Variants in CRADD observed in about 807,000 individuals in gnomAD.
The protein encoded by CRADD is death domain-containing protein CRADD.
A neutral mutation model predicts 15.5 loss-of-function variants in CRADD; 9 were observed. The observed-to-expected ratio is 0.58, with a 90% CI of 0.35 to 1.01. The LOEUF (loss-of-function observed/expected upper bound fraction) is 1.01. Ranked by LOEUF, CRADD falls within the 50% of genes least tolerant of loss-of-function variation. The pLI, the probability that CRADD is intolerant of heterozygous loss-of-function variation, is 0.02. For missense variants in CRADD, 227 were observed against 250.3 expected, an observed-to-expected ratio of 0.91 and a Z score of 0.63; for synonymous variants, 118 against 107.6, an observed-to-expected ratio of 1.10 and a Z score of -0.60.
rs1157345300 is a variant in CRADD, at chr12:93,881,100, G to A, written c.299-12950G>A. 3.3e-5 allele frequency among the ~76,000 whole-genome samples: 5 copies of A among 152,242 alleles called. No individual in the cohort carries two copies. In the East Asian group the frequency reaches 9.7e-4, roughly 29 times the overall value. Reference sequence around the variant, plus strand: ...TTTGTGTACTTTTCTTCAGATGGTTGTCATTTTTAACCAAGTAGCTACACT... The same window carrying A: ...TTTGTGTACTTTTCTTCAGATGGTTATCATTTTTAACCAAGTAGCTACACT... On this transcript the variant is annotated intron_variant, in intron 2 of 2. Transcript: ENST00000548483.
At chr12:93,836,069 T>C (rs1565932382) in intron 2 of CRADD, 1 of 152,244 alleles carries the variant, frequency 6.6e-6, no homozygotes, top group Admixed American at 6.5e-5. Context: ...CAATCTCTCC[T>C]GAGAACATGC....
chr12:93,890,259 G>T (rs1056963464), intron 2 of CRADD, among the ~76,000 whole-genome samples: 1 of 152,164 alleles, frequency 6.6e-6, no homozygotes, highest in Non-Finnish European at 1.5e-5. Context: ...TGCTGTGAAG[G>T]TTTAAAGAGA....
intron 2 of CRADD, among the ~76,000 whole-genome samples, chr12:93,818,397 A>G (rs1259355422): frequency 6.6e-6 from 1 of 152,156 alleles, no homozygotes; most frequent in Admixed American, 6.5e-5. Flanking sequence ...CCCAGGGGCA[A>G]CCCTTAGGAC....
At chr12:93,721,742 C>T (rs976259233) in intron 2 of CRADD, among the ~76,000 whole-genome samples, 4 of 152,136 alleles carry the variant, frequency 2.6e-5, no homozygotes, top group Non-Finnish European at 5.9e-5. Flanking sequence ...CTTGAGCATT[C>T]ATGGATTTTG....
intron 2 of CRADD, among the ~76,000 whole-genome samples, chr12:93,882,011 C>A (rs1958505525): frequency 6.6e-6 from 1 of 152,140 alleles, no homozygotes; most frequent in Non-Finnish European, 1.5e-5. Flanking sequence ...CCTGTCCCAG[C>A]TACTTGGGAG....
intron 2 of CRADD, among the ~76,000 whole-genome samples, chr12:93,867,152 T>C (rs1357743886): frequency 6.6e-6 from 1 of 152,012 alleles, no homozygotes; most frequent in Non-Finnish European, 1.5e-5. Flanking sequence ...TGGTTCTATT[T>C]TAGAAAATGG....
chr12:93,841,141 T>G (rs112900537), intron 2 of CRADD, among the ~76,000 whole-genome samples: 1 of 152,206 alleles, frequency 6.6e-6, no homozygotes, highest in Non-Finnish European at 1.5e-5. Flanking sequence ...AAGTGGTAGA[T>G]TTTATGATGT....
intron 2 of CRADD, among the ~76,000 whole-genome samples, chr12:93,827,382 G>C (rs1023689390): frequency 1.3e-5 from 2 of 152,176 alleles, no homozygotes; most frequent in African/African-American, 4.8e-5. Flanking sequence ...CCATGTTGAA[G>C]TGCATATTAA....
chr12:93,834,190 TCACTGAGACTTGGGA>T (rs1196846111), intron 2 of CRADD, among the ~76,000 whole-genome samples: 2 of 152,196 alleles, frequency 1.3e-5, no homozygotes, highest in African/African-American at 4.8e-5. Context: ...ATCGGTTAGG[TCACTGAGACTTGGGA>T]CTTGTTTTTA....
At chr12:93,894,177 T>C (rs1958596301) in exon 3 of CRADD, 1 of 698,814 alleles carries the variant, frequency 1.4e-6, no homozygotes, top group Non-Finnish European at 2.6e-6. Flanking sequence ...TCTACACCAG[T>C]GGTTCTCAAT....
At chr12:93,800,192 G>A (rs1957461862) in intron 2 of CRADD, among the ~76,000 whole-genome samples, 2 of 152,148 alleles carry the variant, frequency 1.3e-5, no homozygotes, top group African/African-American at 4.8e-5. Flanking sequence ...AATTCAGTAT[G>A]TGTGTGTGTC....
At chr12:93,756,595 A>G (rs919899306) in intron 2 of CRADD, among the ~76,000 whole-genome samples, 1 of 152,224 alleles carries the variant, frequency 6.6e-6, no homozygotes, top group Non-Finnish European at 1.5e-5. Context: ...CATCCTCAGC[A>G]TCCAGAACTG....
intron 2 of CRADD, among the ~76,000 whole-genome samples, chr12:93,699,604 C>T (rs143660625): frequency 1.1e-3 from 161 of 152,318 alleles, no homozygotes; most frequent in African/African-American, 3.8e-3. Context: ...GTTTTCACCT[C>T]CTTTGAAGGA....
At chr12:93,828,600 T>C (rs1957853807) in intron 2 of CRADD, among the ~76,000 whole-genome samples, 1 of 152,246 alleles carries the variant, frequency 6.6e-6, no homozygotes, top group South Asian at 2.1e-4. Context: ...GAAACTATCC[T>C]TTCTCCATTG....
At chr12:93,717,823 T>G (rs1288571664) in intron 2 of CRADD, among the ~76,000 whole-genome samples, 2 of 152,158 alleles carry the variant, frequency 1.3e-5, no homozygotes, top group African/African-American at 4.8e-5. Context: ...ACCCTTCCTG[T>G]GATCTATTTT....
intron 2 of CRADD, among the ~76,000 whole-genome samples, chr12:93,838,777 CAG>C (rs1958012914): frequency 6.6e-6 from 1 of 151,540 alleles, no homozygotes; most frequent in African/African-American, 2.4e-5. Context: ...TTTTTTGAGA[CAG>C]AGTCTGGCTC....
chr12:93,882,420 CAA>C (rs564407219), intron 2 of CRADD, among the ~76,000 whole-genome samples: 1,942 of 65,606 alleles, frequency 0.03, 33 homozygotes, highest in African/African-American at 0.092. Flanking sequence ...GACTCTGTCT[CAA>C]AAAAAAAAAA....
chr12:93,893,659 A>C (rs1789211838), intron 2 of CRADD, among the ~76,000 whole-genome samples: 1 of 152,248 alleles, frequency 6.6e-6, no homozygotes, highest in Non-Finnish European at 1.5e-5. Flanking sequence ...TAATCCCAAC[A>C]CTTTGGGAGG....
At chr12:93,821,898 A>G (rs1310425521) in intron 2 of CRADD, among the ~76,000 whole-genome samples, 1 of 151,964 alleles carries the variant, frequency 6.6e-6, no homozygotes, top group Non-Finnish European at 1.5e-5. Flanking sequence ...CAGGTGGATC[A>G]TTTGAGGCCA....
Sources: gnomAD v4.1 joint callset for allele counts (sites outside exome capture counted in the v4.1 genomes callset) on GRCh38, gnomAD v4.1.1 for gene constraint, MANE v1.5 for transcripts, NCBI Gene and HGNC (gene_info 2026-07-23, HGNC 2026-07-21) for gene names.